Variants in GALNT5 observed in about 807,000 individuals in gnomAD.
GALNT5 encodes the protein UDP-GalNAc:polypeptide N-acetylgalactosaminyltransferase 5.
Under a neutral mutation model 85.4 loss-of-function variants are expected in GALNT5, and 72 were observed. The observed-to-expected ratio is 0.84, with a 90% CI of 0.70 to 1.03. The LOEUF (loss-of-function observed/expected upper bound fraction) is 1.03, where lower values mean the gene tolerates loss of function less well. GALNT5 is among the 50% of genes least tolerant of loss of function. The pLI, the probability that GALNT5 is intolerant of heterozygous loss-of-function variation, is 0.00. For synonymous variants in GALNT5, 404 were observed against 397.0 expected (o/e 1.02, Z -0.21); for missense variants, 1,137 against 1,135.5 (o/e 1.00, Z -0.02).
In GALNT5 at chr2:157,299,647, T is replaced by G; in HGVS notation, c.2097T>G (p.Asn699Lys). The G allele has an allele frequency of 1.9e-6, 3 of 1,592,606 alleles. No individual in the cohort carries two copies. The highest frequency in any genetic ancestry group is 2.6e-6 in the Non-Finnish European group (3 of 1,161,256). ...GCCTTGATGTTTGGGGTGGGGAAAA[T>G]ATGGAGCTCTCATTCAAGGTATTAC... Reference protein sequence around the residue: ...DPGLDVWGGENMELSFKVWMC... With the variant: ...DPGLDVWGGEKMELSFKVWMC... The change falls in exon 6 of 10, where the codon AAT (asparagine) becomes AAG (lysine). Residue 699 changes from asparagine to lysine, a missense_variant. Physicochemically the swap from Asn to Lys is moderately conservative, Grantham distance 94. Transcript: ENST00000259056.
At position 157,312,201 on chromosome 2, in the gene GALNT5, G is replaced by A. The variant is rs1434992955; in HGVS notation, c.*853G>A. The A allele has an allele frequency of 6.6e-6, 1 of 152,108 alleles. No homozygotes were observed. Among genetic ancestry groups the A allele is most frequent in the East Asian group, 1.9e-4 (1 of 5,188 alleles). 9.4% of individuals were successfully genotyped at this position (152,108 alleles called of 1,614,324 possible). ...AGCATTGAATGCACTCTAGTGCAGG[G>A]CCAAGTAAGAGGAGTTGAAATGAGT... On this transcript the variant is annotated 3_prime_UTR_variant, in exon 10 of 10. Coordinates refer to ENST00000259056, the MANE Select transcript of GALNT5 (RefSeq NM_014568.3).
At chr2:157,262,156 C>A (rs552123645) in intron 1 of GALNT5, among the ~76,000 whole-genome samples, 8 of 137,976 alleles carry the variant, frequency 5.8e-5, no homozygotes, top group Non-Finnish European at 9.1e-5. Flanking sequence ...TGAATTCACA[C>A]ATAACTGTCA....
chr2:157,290,112 T>TATATATATATATATATATACACACACAC (rs1416458086), intron 3 of GALNT5, among the ~76,000 whole-genome samples: 25 of 138,254 alleles, frequency 1.8e-4, no homozygotes, highest in African/African-American at 5.5e-4. Flanking sequence ...TATATATATA[T>TATATATATATATATATATACACACACAC]ACATACACAA....
At chr2:157,277,546 G>C (rs142728377) in intron 1 of GALNT5, among the ~76,000 whole-genome samples, 9,955 of 152,280 alleles carry the variant, frequency 0.065, 458 homozygotes, top group Non-Finnish European at 0.095. Context: ...AGCTCTTCTT[G>C]TTCAACTGAT....
At position 157,269,827 on chromosome 2, in the gene GALNT5, T is replaced by C. The variant is rs373589551; in HGVS notation, c.1454+10291T>C. Among the ~76,000 whole-genome samples, 4 of 152,162 alleles carry C rather than the reference T, an allele frequency of 2.6e-5. No homozygotes were observed. In the East Asian group the frequency reaches 5.8e-4, roughly 22 times the overall value. ...GCTTAGTTAACTCCTCCTGATACAA[T>C]TCCTTTTGTCACTGGATGTTTCTCA... On this transcript the variant is annotated intron_variant, in intron 1 of 9. Transcript: ENST00000259056.
At position 157,264,174 on chromosome 2, in the gene GALNT5, TACACAC is replaced by T. The variant is rs59575957; in HGVS notation, c.1454+4663_1454+4668del. On this transcript the variant is annotated intron_variant, in intron 1 of 9. Coordinates refer to ENST00000259056, the MANE Select transcript of GALNT5 (RefSeq NM_014568.3). ...TTCTGTCAGCAACAATCAACACACA[TACACAC>T]ACACACACACACACACACACACACG... is the stretch of plus-strand genomic sequence containing the variant. 7.7e-3 allele frequency among the ~76,000 whole-genome samples: 1,115 copies of T among 144,648 alleles called. 11 individuals carry two copies. Among genetic ancestry groups the T allele is most frequent in the African/African-American group, 0.026 (1,041 of 40,384 alleles). The allele number at this position is 144,648 out of a possible 152,430, so 94.9% of individuals were successfully genotyped here. A position where few individuals can be genotyped will look rare whatever the true frequency, so the allele number is the denominator to read the frequency against.
rs138788414 is a variant in GALNT5 at position 157,257,986 on chromosome 2, T to TCTGCTGCTGCTG, written c.-82_-71dup. The TCTGCTGCTGCTG allele has an allele frequency of 2.6e-3, 3,378 of 1,319,870 alleles. 34 individuals are homozygous for TCTGCTGCTGCTG. The African/African-American group carries it at 0.038, about 15-fold the overall frequency. The allele number at this position is 1,319,870 out of a possible 1,614,324, so 81.8% of individuals were successfully genotyped here. A position where few individuals can be genotyped will look rare whatever the true frequency, so the allele number is the denominator to read the frequency against. ...GGGGAGGGGGTCACTTTCTGGCAAC[T>TCTGCTGCTGCTG]CTGCTGCTGCTGCTGCTGCTGCTGC... On this transcript the variant is annotated 5_prime_UTR_variant, in exon 1 of 10. Transcript: ENST00000259056.
rs1682921000 is a variant in GALNT5, at chr2:157,284,275, G to T, written c.1455-7G>T. 2 of 1,612,308 alleles carry T rather than the reference G, an allele frequency of 1.2e-6. No homozygotes were observed. Among genetic ancestry groups the T allele is most frequent in the African/African-American group, 2.7e-5 (2 of 74,808 alleles). ...ATCTCTTGTGCTCTGCTTATATTCTGGCCCAGATGTGCAGAGCAGCTAGTT... is the reference window on the plus strand; with the variant it reads ...ATCTCTTGTGCTCTGCTTATATTCTTGCCCAGATGTGCAGAGCAGCTAGTT... On this transcript the variant is annotated splice_region_variant and splice_polypyrimidine_tract_variant and intron_variant, in intron 1 of 9. Coordinates refer to ENST00000259056, the MANE Select transcript of GALNT5 (RefSeq NM_014568.3).
At chr2:157,291,614 C>T (rs976905744) in intron 3 of GALNT5, among the ~76,000 whole-genome samples, 1 of 147,286 alleles carries the variant, frequency 6.8e-6, no homozygotes, top group Non-Finnish European at 1.5e-5. Context: ...GCACATTGAA[C>T]AGTTTTATGT....
At position 157,284,467 on chromosome 2, in the gene GALNT5, C is replaced by T; in HGVS notation, c.1621+19C>T. The stretch of plus-strand genomic sequence containing the variant: ...ACCAAAGGTAAGAAAACCACTCAGG[C>T]TATCTCTTGAAATTTCAAAGTTTGG... On this transcript the variant is annotated intron_variant, in intron 2 of 9. Transcript: ENST00000259056. 6.2e-7 allele frequency: 1 copy of T among 1,605,708 alleles called. No individual in the cohort carries two copies. The highest frequency in any genetic ancestry group is 8.5e-7 in the Non-Finnish European group (1 of 1,173,686).
Position 157,258,314 on chromosome 2 carries a change from C to A in GALNT5, c.232C>A (p.Leu78Ile). The change falls in exon 1 of 10, where the codon CTA becomes ATA. Residue 78 changes from leucine (L) to isoleucine (I), a missense_variant. Physicochemically the swap from Leu to Ile is conservative, Grantham distance 5 (BLOSUM62 2). Coordinates refer to ENST00000259056, the MANE Select transcript of GALNT5 (RefSeq NM_014568.3). The part of the protein sequence containing the change: ...YSSIKEMKPP[L>I]RGHGKGAWGK... Reference sequence around the variant, plus strand: ...CAGCATAAAAGAGATGAAACCTCCCCTAAGGGGACATGGGAAAGGGGCATG... The same window carrying A: ...CAGCATAAAAGAGATGAAACCTCCCATAAGGGGACATGGGAAAGGGGCATG... The A allele has an allele frequency of 6.3e-7, 1 of 1,598,152 alleles. No individual in the cohort carries two copies. Among genetic ancestry groups the A allele is most frequent in the Non-Finnish European group, 8.5e-7 (1 of 1,174,122 alleles).
At chr2:157,297,359 G>C (rs1000859261) in intron 5 of GALNT5, among the ~76,000 whole-genome samples, 1 of 152,178 alleles carries the variant, frequency 6.6e-6, no homozygotes, top group Non-Finnish European at 1.5e-5. Flanking sequence ...CTCTGTGCCA[G>C]GCACCTAACT....
At position 157,313,968 on chromosome 2, in the gene GALNT5, G is replaced by A. The variant is rs1466914031; in HGVS notation, c.*2620G>A. On this transcript the variant is annotated 3_prime_UTR_variant, in exon 10 of 10. Transcript: ENST00000259056. ...TGATCACTAGTTGGGAATCTATATG[G>A]GCCTAAACTTGAGTGTATTGATTTA... The A allele has an allele frequency of 6.6e-6, 1 of 151,956 alleles. No homozygotes were observed. Among genetic ancestry groups the A allele is most frequent in the East Asian group, 1.9e-4 (1 of 5,182 alleles). 9.4% of individuals were successfully genotyped at this position (151,956 alleles called of 1,614,324 possible).
intron 1 of GALNT5, among the ~76,000 whole-genome samples, chr2:157,263,286 C>T (rs181000122): frequency 1.3e-5 from 2 of 152,328 alleles, no homozygotes; most frequent in Admixed American, 1.3e-4. Context: ...AAAAGCTAAT[C>T]TCTTTGCTCT....
chr2:157,304,993 G>A (rs1243388914), intron 7 of GALNT5, among the ~76,000 whole-genome samples: 2 of 152,066 alleles, frequency 1.3e-5, no homozygotes, highest in African/African-American at 4.8e-5. Context: ...CTATAGATTC[G>A]GCTCTGCACA....
chr2:157,296,661 G>C, intron 5 of GALNT5, 148 bp downstream of exon 5: 1 of 636,284 alleles, frequency 1.6e-6, no homozygotes, highest in Non-Finnish European at 2.7e-6. Flanking sequence ...CAAACACAGT[G>C]TTCTTGAGAA....
intron 1 of GALNT5, among the ~76,000 whole-genome samples, chr2:157,281,281 T>A (rs1558895394): frequency 6.6e-6 from 1 of 152,160 alleles, no homozygotes; most frequent in Non-Finnish European, 1.5e-5. Context: ...GCCAGGCTGG[T>A]CTTGAACTCC....
intron 1 of GALNT5, among the ~76,000 whole-genome samples, chr2:157,275,514 G>A (rs1352744955): frequency 6.6e-6 from 1 of 152,164 alleles, no homozygotes; most frequent in Non-Finnish European, 1.5e-5. Context: ...GCAGTGGTTT[G>A]TATTTCTCCT....
At chr2:157,276,034 C>T (rs986284581) in intron 1 of GALNT5, among the ~76,000 whole-genome samples, 1 of 152,022 alleles carries the variant, frequency 6.6e-6, no homozygotes, top group African/African-American at 2.4e-5. Context: ...GCATGAAGGG[C>T]TGTTGAATTT....
Sources: allele counts gnomAD v4.1 joint callset (sites outside exome capture counted in the v4.1 genomes callset), GRCh38; gene constraint gnomAD v4.1.1; transcripts MANE v1.5; gene names NCBI Gene and HGNC (gene_info 2026-07-23, HGNC 2026-07-21).